Variants in LRRK2 observed in about 807,000 individuals in gnomAD.
LRRK2 encodes leucine-rich repeat serine/threonine-protein kinase 2.
LRRK2 carries 203 observed loss-of-function variants against 302.6 expected under a neutral mutation model. The observed-to-expected ratio is 0.67, with a 90% confidence interval of 0.60 to 0.75. The LOEUF is 0.75. Ranked by LOEUF, LRRK2 falls within the 30% of genes least tolerant of loss-of-function variation. LRRK2 has a pLI of 0.00. For synonymous variants in LRRK2, 1,066 were observed against 1,031.9 expected (o/e 1.03, Z -0.63); for missense variants, 2,830 against 2,951.0 (o/e 0.96, Z 0.95).
Position 40,313,978 on chromosome 12 carries a change from G to A in LRRK2, c.4543G>A (p.Asp1515Asn), listed in dbSNP as rs1166330141. ...INESLNFKIR[D>N]QLVVGQLIPD... ...GTCATTTGTAATTTCATAGATCCGA[G>A]ATCAGCTTGTTGTTGGACAGCTGAT... Residue 1515 changes from aspartate to asparagine, a missense_variant, in exon 32 of 51, where the codon GAT becomes AAT. Coordinates refer to ENST00000298910, the MANE Select transcript of LRRK2 (RefSeq NM_198578.4). 1.2e-6 allele frequency: 2 copies of A among 1,610,256 alleles called. No individual in the cohort carries two copies. Among genetic ancestry groups the A allele is most frequent in the Non-Finnish European group, 1.7e-6 (2 of 1,178,098 alleles).
At chr12:40,290,500 C>A (rs868073159) in intron 20 of LRRK2, among the ~76,000 whole-genome samples, 7 of 152,042 alleles carry the variant, frequency 4.6e-5, no homozygotes, top group Admixed American at 3.3e-4. Flanking sequence ...TAGACTTCAC[C>A]AGCAAAGGCC....
In LRRK2 at chr12:40,274,885, A is replaced by G. The variant is rs1360785235; in HGVS notation, c.1833A>G (p.Gly611=). The stretch of plus-strand genomic sequence containing the variant: ...AGTGTCTGGGTTTAAGTCTTATAGG[A>G]TACTTGATTACAAAGAAGAATGTGT... ...EIQCLGLSLI[G]YLITKKNVFI... Residue 611 remains glycine (G), a synonymous_variant, in exon 16 of 51, where the codon GGA becomes GGG. Coordinates refer to ENST00000298910, the MANE Select transcript of LRRK2 (RefSeq NM_198578.4). 1 of 1,612,424 alleles carries G rather than the reference A, an allele frequency of 6.2e-7. No homozygotes were observed. Among genetic ancestry groups the G allele is most frequent in the Non-Finnish European group, 8.5e-7 (1 of 1,178,788 alleles).
intron 41 of LRRK2, among the ~76,000 whole-genome samples, chr12:40,346,072 A>ATAATAT (rs1946183697): frequency 6.6e-6 from 1 of 152,180 alleles, no homozygotes; most frequent in Non-Finnish European, 1.5e-5. Context: ...TTATTATCAC[A>ATAATAT]AATGTTGAAA....
At chr12:40,231,365 C>A (rs2708441) in intron 2 of LRRK2, among the ~76,000 whole-genome samples, 8,557 of 123,444 alleles carry the variant, frequency 0.069, 434 homozygotes, top group East Asian at 0.33. Context: ...CCAGCCTGGG[C>A]AACAGAGCGA....
At position 40,277,969 on chromosome 12, in the gene LRRK2, A is replaced by T. The variant is rs1326037380; in HGVS notation, c.2023A>T (p.Ile675Leu). The change falls in exon 17 of 51, where the codon ATA becomes TTA. Residue 675 changes from isoleucine to leucine, a missense_variant. Physicochemically the swap from Ile to Leu is conservative, Grantham distance 5. Around this residue, in one of 3 missense-constraint regions of LRRK2, gnomAD observed 2,121 missense variants for 2,148.0 expected, o/e 0.99. Transcript: ENST00000298910. ...GGTGCATCATTCATTTGACTTAGTA[A>T]TATTCCATCAAATGTCTTCCAATAT... ...LLVHHSFDLVIFHQMSSNIME... is the reference protein window; with the variant it reads ...LLVHHSFDLVLFHQMSSNIME... The T allele has an allele frequency of 4.3e-6, 7 of 1,613,302 alleles. No homozygotes were observed. The highest frequency in any genetic ancestry group is 5.1e-6 in the Non-Finnish European group (6 of 1,179,806).
chr12:40,310,447 C>T lies in LRRK2; in HGVS notation c.4334C>T (p.Ser1445Phe). 5.0e-6 allele frequency: 8 copies of T among 1,613,126 alleles called. No individual in the cohort carries two copies. The highest frequency in any genetic ancestry group is 6.8e-6 in the Non-Finnish European group (8 of 1,179,758). Residue 1445 changes from serine (S) to phenylalanine (F), a missense_variant, in exon 31 of 51, where the codon TCC (serine) becomes TTC (phenylalanine). Physicochemically the swap from Ser to Phe is radical, Grantham distance 155 (BLOSUM62 -2). Coordinates refer to ENST00000298910, the MANE Select transcript of LRRK2 (RefSeq NM_198578.4). ...LFNIKARASS[S>F]PVILVGTHLD... ...TCCCTCCAGGCTCGCGCTTCTTCTT[C>T]CCCTGTGATTCTCGTTGGCACACAT...
At chr12:40,323,780 T>C (rs774769871) in intron 38 of LRRK2, among the ~76,000 whole-genome samples, 50 of 145,476 alleles carry the variant, frequency 3.4e-4, no homozygotes, top group Admixed American at 2.2e-4. Context: ...AAGTGTTACA[T>C]GGTGACATAC....
chr12:40,293,691 T>A, intron 21 of LRRK2, 28 bp downstream of exon 21: 1 of 1,444,688 alleles, frequency 6.9e-7, no homozygotes. Context: ...ATTGTGATTA[T>A]GTTGTGTTTT....
intron 43 of LRRK2, 48 bp downstream of exon 43, chr12:40,348,557 A>G (rs199493662): frequency 3.7e-6 from 4 of 1,090,354 alleles, no homozygotes; most frequent in African/African-American, 3.1e-5. Flanking sequence ...TCATTTGCAT[A>G]TATGCATATA....
At chr12:40,333,944 G>T (rs1241605116) in intron 39 of LRRK2, among the ~76,000 whole-genome samples, 1 of 152,072 alleles carries the variant, frequency 6.6e-6, no homozygotes, top group Non-Finnish European at 1.5e-5. Flanking sequence ...GAGACGAGAA[G>T]GTCTGGAAGG....
chr12:40,300,959 C>G (rs1298462197), intron 25 of LRRK2: 6 of 470,656 alleles, frequency 1.3e-5, no homozygotes, highest in Admixed American at 4.7e-5. Flanking sequence ...AGTGTGTCAT[C>G]TCAGCTGAAT....
At chr12:40,353,402 C>T (rs1439786039) in intron 44 of LRRK2, among the ~76,000 whole-genome samples, 1 of 150,582 alleles carries the variant, frequency 6.6e-6, no homozygotes, top group African/African-American at 2.5e-5. Flanking sequence ...AGGGCAGAGG[C>T]GCTCCCCACA....
At chr12:40,366,845 C>T (rs1946893793) in intron 49 of LRRK2, 161 bp from the exon 50 acceptor site, 2 of 556,024 alleles carry the variant, frequency 3.6e-6, no homozygotes, top group Non-Finnish European at 6.5e-6. Context: ...TAAAAAAATG[C>T]TGGTCTTTAT....
intron 33 of LRRK2, among the ~76,000 whole-genome samples, chr12:40,317,988 G>T (rs1467410597): frequency 6.6e-6 from 1 of 152,020 alleles, no homozygotes; most frequent in Non-Finnish European, 1.5e-5. Context: ...GTGCAAGAAA[G>T]GTACATGCAT....
chr12:40,338,639 A>G (rs539086353), intron 40 of LRRK2, among the ~76,000 whole-genome samples: 1 of 152,340 alleles, frequency 6.6e-6, no homozygotes, highest in South Asian at 2.1e-4. Context: ...ATTAAATTCT[A>G]TAATTGAACA....
intron 29 of LRRK2, 129 bp downstream of exon 29, chr12:40,308,825 A>G: frequency 3.2e-6 from 3 of 947,716 alleles, no homozygotes; most frequent in Non-Finnish European, 3.2e-6. Flanking sequence ...AAAGCCCTTC[A>G]TTTCTCCTAA....
chr12:40,229,860 G>A (rs532958959), intron 2 of LRRK2, among the ~76,000 whole-genome samples: 96 of 150,762 alleles, frequency 6.4e-4, no homozygotes, highest in Admixed American at 7.9e-4. Flanking sequence ...TTTGCAAAGC[G>A]TTTACTGATA....
intron 44 of LRRK2, among the ~76,000 whole-genome samples, chr12:40,353,853 G>A (rs573358246): frequency 1.6e-4 from 25 of 152,338 alleles, no homozygotes; most frequent in African/African-American, 3.1e-4. Flanking sequence ...GCGTGGCGGC[G>A]CACGCCTGCA....
chr12:40,257,033 C>T (rs1052483622), intron 11 of LRRK2, among the ~76,000 whole-genome samples: 3 of 152,082 alleles, frequency 2.0e-5, no homozygotes, highest in South Asian at 2.1e-4. Context: ...ACCAAAATCC[C>T]AACAAAGGGT....
Sources: gnomAD v4.1 joint callset for allele counts (sites outside exome capture counted in the v4.1 genomes callset) on GRCh38, gnomAD v4.1.1 for gene constraint, gnomAD v4.1.1 regional missense constraint, MANE v1.5 for transcripts, NCBI Gene and HGNC (gene_info 2026-07-23, HGNC 2026-07-21) for gene names.